The following HAPSTR1 variants were observed in gnomAD, a reference collection of about 807,000 sequenced individuals.
HAPSTR1 encodes HUWE1 associated protein modifying stress responses, also known as HUWE1-associated protein modifying stress responses 1.
the HAPSTR1 span, chr16:9,110,092 A>G: frequency 6.6e-6 from 1 of 151,680 alleles, no homozygotes; most frequent in Admixed American, 6.6e-5. Context: ...ATCTAAACCC[A>G]GGGAATCAGA....
chr16:9,103,093 T>A, the HAPSTR1 span: 2 of 1,614,174 alleles, frequency 1.2e-6, no homozygotes, highest in Non-Finnish European at 8.5e-7. Context: ...GAACTATTCG[T>A]CGAGAAGATT....
At chr16:9,097,474 C>T in the HAPSTR1 span, among the ~76,000 whole-genome samples, 1 of 152,162 alleles carries the variant, frequency 6.6e-6, no homozygotes, top group Admixed American at 6.5e-5. Flanking sequence ...TGAGCTCAGG[C>T]GATCCACCTG....
the HAPSTR1 span, chr16:9,103,285 T>C: frequency 1.3e-6 from 2 of 1,597,532 alleles, no homozygotes; most frequent in East Asian, 2.2e-5. Flanking sequence ...CATATTTCTT[T>C]GGAAAAATGG....
chr16:9,099,198 C>G, the HAPSTR1 span, among the ~76,000 whole-genome samples: 1 of 147,670 alleles, frequency 6.8e-6, no homozygotes, highest in Non-Finnish European at 1.5e-5. Flanking sequence ...AGTTCATTTT[C>G]TTTTTTTTTT....
chr16:9,113,973 T>A, the HAPSTR1 span, among the ~76,000 whole-genome samples: 4 of 152,314 alleles, frequency 2.6e-5, 1 homozygote, highest in South Asian at 8.3e-4. Flanking sequence ...GGGGTAGGAC[T>A]TTGAAGTATT....
the HAPSTR1 span, chr16:9,112,292 T>C: frequency 6.6e-6 from 1 of 152,246 alleles, no homozygotes; most frequent in Non-Finnish European, 1.5e-5. Context: ...GTGCAATTCA[T>C]TTCCAATGCA....
the HAPSTR1 span, chr16:9,119,053 T>C: frequency 6.5e-6 from 1 of 152,692 alleles, no homozygotes; most frequent in Non-Finnish European, 1.5e-5. Context: ...CCTTATTGGC[T>C]TCATTAAACT....
the HAPSTR1 span, among the ~76,000 whole-genome samples, chr16:9,100,590 G>C: frequency 2.0e-5 from 3 of 152,054 alleles, no homozygotes; most frequent in African/African-American, 7.2e-5. Flanking sequence ...CTGGAGTGAA[G>C]TGGCGCATTC....
At chr16:9,096,576 G>A in the HAPSTR1 span, among the ~76,000 whole-genome samples, 1 of 152,166 alleles carries the variant, frequency 6.6e-6, no homozygotes, top group African/African-American at 2.4e-5. Flanking sequence ...AAATGTGTGG[G>A]CCAAGTGGCA....
At chr16:9,103,137 C>T in the HAPSTR1 span, 1 of 1,614,106 alleles carries the variant, frequency 6.2e-7, no homozygotes, top group Non-Finnish European at 8.5e-7. Context: ...GTTCCTCCAC[C>T]ACGAAACTCT....
chr16:9,107,039 G>A, the HAPSTR1 span: 2 of 152,364 alleles, frequency 1.3e-5, no homozygotes, highest in Admixed American at 6.5e-5. Flanking sequence ...CACTGCCCTA[G>A]ATTACGTTTC....
chr16:9,096,042 G>C, the HAPSTR1 span, among the ~76,000 whole-genome samples: 1 of 152,188 alleles, frequency 6.6e-6, no homozygotes, highest in Non-Finnish European at 1.5e-5. Context: ...GTGTCATTGT[G>C]AGTTGGAGTC....
At chr16:9,113,275 G>A in the HAPSTR1 span, 4 of 152,124 alleles carry the variant, frequency 2.6e-5, no homozygotes, top group Non-Finnish European at 5.9e-5. Flanking sequence ...TATTTTCACT[G>A]CTATGAGAGT....
the HAPSTR1 span, chr16:9,109,025 G>C: frequency 6.6e-6 from 1 of 151,980 alleles, no homozygotes; most frequent in South Asian, 2.1e-4. Context: ...TTGCCTTCTG[G>C]GATACTTTTT....
the HAPSTR1 span, chr16:9,112,826 C>A: frequency 6.6e-6 from 1 of 152,148 alleles, no homozygotes; most frequent in South Asian, 2.1e-4. Flanking sequence ...CTGGACTAAT[C>A]ATTTAAAATG....
the HAPSTR1 span, chr16:9,092,380 G>C: frequency 2.0e-6 from 2 of 1,013,990 alleles, no homozygotes; most frequent in Non-Finnish European, 2.5e-6. Flanking sequence ...CGGCGGCCTC[G>C]GGGATCCCGG....
chr16:9,096,216 C>T, the HAPSTR1 span, among the ~76,000 whole-genome samples: 1 of 152,008 alleles, frequency 6.6e-6, no homozygotes, highest in Admixed American at 6.5e-5. Flanking sequence ...TAGCTTTGTG[C>T]CTGGCATAGT....
the HAPSTR1 span, among the ~76,000 whole-genome samples, chr16:9,097,803 A>G: frequency 3.0e-4 from 45 of 152,350 alleles, no homozygotes; most frequent in African/African-American, 7.9e-4. Flanking sequence ...GAAGAGCCTA[A>G]AAATGACTTC....
the HAPSTR1 span, chr16:9,103,669 G>A: frequency 6.0e-6 from 1 of 165,626 alleles, no homozygotes; most frequent in African/African-American, 2.4e-5. Context: ...TAGTTCTCAT[G>A]GGACCTGGGA....
Sources: gnomAD v4.1 joint callset for allele counts (sites outside exome capture counted in the v4.1 genomes callset) on GRCh38, gnomAD v4.1.1 for gene constraint, MANE v1.5 for transcripts, NCBI Gene and HGNC (gene_info 2026-07-23, HGNC 2026-07-21) for gene names.